Variants in FOXN3 observed in about 807,000 individuals in gnomAD.
The protein encoded by FOXN3 is forkhead box N3.
FOXN3 carries 7 observed loss-of-function variants against 38.4 expected under a neutral mutation model. The observed-to-expected ratio is 0.18, with a 90% CI of 0.10 to 0.34. FOXN3 has a LOEUF of 0.34. Ranked by LOEUF, FOXN3 falls within the 10% of genes least tolerant of loss-of-function variation. The pLI is 1.00. For missense variants in FOXN3, 456 were observed against 613.4 expected (o/e 0.74, Z 2.71); for synonymous variants, 230 against 242.2 (o/e 0.95, Z 0.47).
chr14:89,364,271 A>AC (rs913261259), intron 2 of FOXN3: 2 of 150,760 alleles, frequency 1.3e-5, no homozygotes, highest in African/African-American at 4.9e-5. Context: ...AGAAAAAAAA[A>AC]AGATTGCTGT....
chr14:89,370,465 C>T (rs78349281), intron 2 of FOXN3, among the ~76,000 whole-genome samples: 4,028 of 152,274 alleles, frequency 0.026, 146 homozygotes, highest in African/African-American at 0.087. Context: ...AGGGTTCCCA[C>T]GGCTGCACAA....
chr14:89,515,913 T>C (rs1011986123), intron 1 of FOXN3, among the ~76,000 whole-genome samples: 14 of 152,154 alleles, frequency 9.2e-5, no homozygotes, highest in African/African-American at 3.1e-4. Context: ...AGTACCATCA[T>C]TGTGACGGTG....
chr14:89,524,404 G>GAAAAAAAAAAAAAAAAAAAAAAAAAA, intron 1 of FOXN3, among the ~76,000 whole-genome samples: 1 of 25,600 alleles, frequency 3.9e-5, no homozygotes, highest in Non-Finnish European at 6.1e-5. Flanking sequence ...AAAAAAAAAA[G>GAAAAAAAAAAAAAAAAAAAAAAAAAA]AAAGAAAGAA....
At chr14:89,333,988 A>C (rs770425373) in intron 3 of FOXN3, among the ~76,000 whole-genome samples, 3 of 83,766 alleles carry the variant, frequency 3.6e-5, no homozygotes, top group African/African-American at 1.1e-4. Flanking sequence ...ATATATATAT[A>C]TATATATATA....
At chr14:89,398,893 A>T (rs1891170995) in intron 2 of FOXN3, among the ~76,000 whole-genome samples, 1 of 152,228 alleles carries the variant, frequency 6.6e-6, no homozygotes, top group Non-Finnish European at 1.5e-5. Flanking sequence ...GCTAAGCAGG[A>T]GAATCGCTTG....
intron 3 of FOXN3, among the ~76,000 whole-genome samples, chr14:89,328,803 C>T (rs1271515690): frequency 6.6e-6 from 1 of 152,198 alleles, no homozygotes; most frequent in Admixed American, 6.5e-5. Flanking sequence ...ATAACTGACA[C>T]CACGACAAGG....
Position 89,377,312 on chromosome 14 carries a change from A to AAAATAAATAAATAAAT in FOXN3, c.544-26520_544-26505dup, listed in dbSNP as rs34397438. On this transcript the variant is annotated intron_variant, in intron 2 of 5. Coordinates refer to ENST00000557258, the MANE Select transcript of FOXN3 (RefSeq NM_005197.4). ...CCACATCTTCACTGGATGCTGGTAAAAAATAAATAAATAAATAAATAAATA... is the reference window on the plus strand; with the variant it reads ...CCACATCTTCACTGGATGCTGGTAAAAAATAAATAAATAAATAAATAAATAAATAAATAAATAAATA... Among the ~76,000 whole-genome samples the AAAATAAATAAATAAAT allele has an allele frequency of 4.3e-3, 645 of 149,746 alleles. 6 individuals are homozygous for AAAATAAATAAATAAAT. The highest frequency in any genetic ancestry group is 0.015 in the African/African-American group (598 of 40,760).
intron 3 of FOXN3, among the ~76,000 whole-genome samples, chr14:89,289,665 G>A (rs1237062959): frequency 6.6e-6 from 1 of 152,142 alleles, no homozygotes. Context: ...ACCTGAATTT[G>A]GTCCTTAATA....
intron 1 of FOXN3, among the ~76,000 whole-genome samples, chr14:89,450,182 T>C (rs1194353105): frequency 6.6e-6 from 1 of 152,224 alleles, no homozygotes; most frequent in African/African-American, 2.4e-5. Flanking sequence ...CTCTTGCAAG[T>C]CTGCCTTAGA....
At chr14:89,249,949 A>G (rs796119285) in intron 4 of FOXN3, among the ~76,000 whole-genome samples, 36 of 152,366 alleles carry the variant, frequency 2.4e-4, no homozygotes, top group African/African-American at 8.7e-4. Context: ...GGACACAGCC[A>G]TATCCATCAG....
intron 3 of FOXN3, among the ~76,000 whole-genome samples, chr14:89,335,077 TCACACACACACACA>T (rs72014136): frequency 0.01 from 1,410 of 139,386 alleles, 10 homozygotes; most frequent in East Asian, 0.029. Flanking sequence ...TATTTTCATA[TCACACACACACACA>T]CACACACACA....
chr14:89,265,234 C>T (rs993455571), intron 4 of FOXN3, among the ~76,000 whole-genome samples: 1 of 152,128 alleles, frequency 6.6e-6, no homozygotes, highest in African/African-American at 2.4e-5. Context: ...GAGATTTTAT[C>T]GCCTGTGACT....
At chr14:89,517,645 A>G (rs990445568) in intron 1 of FOXN3, among the ~76,000 whole-genome samples, 7 of 152,154 alleles carry the variant, frequency 4.6e-5, no homozygotes, top group African/African-American at 1.7e-4. Flanking sequence ...CACCACCAAC[A>G]CTGGGGATTA....
chr14:89,584,805 C>T (rs541216307), intron 1 of FOXN3, among the ~76,000 whole-genome samples: 23 of 152,158 alleles, frequency 1.5e-4, no homozygotes, highest in Admixed American at 5.2e-4. Flanking sequence ...CTCTGCCTCC[C>T]GGGTTCAAAC....
chr14:89,528,376 CTTTTTTTTT>C (rs55935162), intron 1 of FOXN3, among the ~76,000 whole-genome samples: 42 of 53,572 alleles, frequency 7.8e-4, no homozygotes, highest in African/African-American at 2.1e-3. Context: ...ATGGATGAAT[CTTTTTTTTT>C]TTTTTTTTTT....
chr14:89,268,777 G>T (rs1886060085), intron 4 of FOXN3, among the ~76,000 whole-genome samples: 1 of 152,196 alleles, frequency 6.6e-6, no homozygotes, highest in Non-Finnish European at 1.5e-5. Context: ...TCTGTAAGAA[G>T]CTGGCACCTC....
intron 3 of FOXN3, among the ~76,000 whole-genome samples, chr14:89,300,931 G>C (rs1322506307): frequency 6.6e-6 from 1 of 152,028 alleles, no homozygotes; most frequent in East Asian, 1.9e-4. Context: ...CACGTAGCTG[G>C]GATTATAGGT....
At chr14:89,207,518 T>C (rs78207710) in intron 4 of FOXN3, among the ~76,000 whole-genome samples, 3,754 of 152,268 alleles carry the variant, frequency 0.025, 145 homozygotes, top group African/African-American at 0.085. Flanking sequence ...AATTATATGA[T>C]AACTGAGGAT....
At chr14:89,414,725 T>C (rs1031659150) in intron 1 of FOXN3, among the ~76,000 whole-genome samples, 6 of 152,100 alleles carry the variant, frequency 3.9e-5, no homozygotes, top group African/African-American at 1.4e-4. Context: ...GGTTAATTTT[T>C]GTATTTTTAG....
Sources: allele counts gnomAD v4.1 joint callset (sites outside exome capture counted in the v4.1 genomes callset), GRCh38; gene constraint gnomAD v4.1.1; transcripts MANE v1.5; gene names NCBI Gene and HGNC (gene_info 2026-07-23, HGNC 2026-07-21).